DPP6: variants seen among roughly 807,000 people sequenced by gnomAD.
DPP6 encodes dipeptidyl peptidase like 6.
Under a neutral mutation model 122.6 loss-of-function variants are expected in DPP6, and 69 were observed. The ratio of observed to expected loss-of-function variants is 0.56; its 90% CI spans 0.46 to 0.69. The LOEUF is 0.69. Ranked by LOEUF, DPP6 falls within the 30% of genes least tolerant of loss-of-function variation. DPP6 has a pLI of 0.00. For synonymous variants in DPP6, 418 were observed against 433.1 expected (o/e 0.97, Z 0.43); for missense variants, 928 against 1,116.9 (o/e 0.83, Z 2.41).
At chr7:154,220,961 A>G (rs574248939) in intron 1 of DPP6, among the ~76,000 whole-genome samples, 2 of 152,218 alleles carry the variant, frequency 1.3e-5, no homozygotes, top group South Asian at 2.1e-4. Context: ...TTAGTGATAA[A>G]CAGAGTTTGA....
chr7:154,711,428 G>A (rs903648917), intron 7 of DPP6, among the ~76,000 whole-genome samples: 3 of 152,268 alleles, frequency 2.0e-5, no homozygotes, highest in South Asian at 2.1e-4. Context: ...CAGAAGTTTG[G>A]TAATATAACT....
At chr7:154,696,293 G>C (rs928398911) in intron 7 of DPP6, among the ~76,000 whole-genome samples, 2 of 152,210 alleles carry the variant, frequency 1.3e-5, no homozygotes, top group African/African-American at 4.8e-5. Flanking sequence ...GGGGTGATGA[G>C]GATTGAGGCT....
At chr7:154,749,017 CA>C (rs1563166076) in intron 8 of DPP6, among the ~76,000 whole-genome samples, 1 of 133,542 alleles carries the variant, frequency 7.5e-6, no homozygotes, top group African/African-American at 2.8e-5. Context: ...TAGGACGGGA[CA>C]GGAGAGAGAG....
intron 1 of DPP6, among the ~76,000 whole-genome samples, chr7:153,964,482 G>A (rs906388750): frequency 2.0e-5 from 3 of 152,098 alleles, no homozygotes; most frequent in Non-Finnish European, 2.9e-5. Flanking sequence ...CCAGGGCTCC[G>A]TGAAAATGTG....
intron 1 of DPP6, among the ~76,000 whole-genome samples, chr7:154,041,734 CCTT>C (rs1004586987): frequency 1.3e-4 from 20 of 151,358 alleles, no homozygotes; most frequent in Admixed American, 4.0e-4. Flanking sequence ...AACACTGGCC[CCTT>C]CTTCTCATGT....
chr7:154,591,114 A>G (rs1274231961), intron 5 of DPP6, among the ~76,000 whole-genome samples: 1 of 152,246 alleles, frequency 6.6e-6, no homozygotes, highest in Non-Finnish European at 1.5e-5. Flanking sequence ...TTGAGGTTAT[A>G]GACCGGTGGT....
At chr7:154,286,436 C>A (rs1052642853) in intron 1 of DPP6, among the ~76,000 whole-genome samples, 1 of 152,310 alleles carries the variant, frequency 6.6e-6, no homozygotes, top group Non-Finnish European at 1.5e-5. Context: ...ATGCAGCAAC[C>A]AAGAGCTTGC....
chr7:154,023,049 G>C (rs1267716506), intron 1 of DPP6, among the ~76,000 whole-genome samples: 6 of 152,018 alleles, frequency 3.9e-5, no homozygotes, highest in Non-Finnish European at 7.4e-5. Flanking sequence ...CTGAGTGTAA[G>C]CTAGGATGAC....
chr7:154,804,153 C>T (rs932346293), intron 14 of DPP6, among the ~76,000 whole-genome samples, 198 bp downstream of exon 14: 1 of 152,192 alleles, frequency 6.6e-6, no homozygotes, highest in African/African-American at 2.4e-5. Context: ...AGAGCTGCGG[C>T]GTCCTGAGGA....
chr7:154,600,081 C>T lies in DPP6; in HGVS notation c.627+33165C>T, dbSNP rs541004674. 7.0e-4 allele frequency among the ~76,000 whole-genome samples: 107 copies of T among 152,242 alleles called. 3 individuals carry two copies. Among genetic ancestry groups the T allele is most frequent in the African/African-American group, 2.4e-3 (99 of 41,562 alleles). ...CCTGGCTTACTCCAATTTCCCAGCT[C>T]TTTTGGGAAATGTAAACTTTATGGT... On this transcript the variant is annotated intron_variant, in intron 5 of 25. Coordinates refer to ENST00000377770, the MANE Select transcript of DPP6 (RefSeq NM_130797.4).
chr7:153,984,386 A>T (rs1796741455), intron 1 of DPP6, among the ~76,000 whole-genome samples: 1 of 152,240 alleles, frequency 6.6e-6, no homozygotes, highest in East Asian at 1.9e-4. Flanking sequence ...TGTACACAAG[A>T]CAATATTACC....
intron 8 of DPP6, among the ~76,000 whole-genome samples, chr7:154,741,522 T>A (rs1357752944): frequency 6.6e-6 from 1 of 152,242 alleles, no homozygotes; most frequent in Non-Finnish European, 1.5e-5. Flanking sequence ...CACCTTCTTC[T>A]TTTTGCAGGA....
At chr7:154,254,858 G>A (rs1372500491) in intron 1 of DPP6, among the ~76,000 whole-genome samples, 1 of 152,072 alleles carries the variant, frequency 6.6e-6, no homozygotes, top group Non-Finnish European at 1.5e-5. Flanking sequence ...AAGATTCAAA[G>A]GTAGGACAAT....
chr7:154,676,830 C>T (rs1253214432), intron 7 of DPP6, among the ~76,000 whole-genome samples: 2 of 152,216 alleles, frequency 1.3e-5, no homozygotes, highest in Non-Finnish European at 2.9e-5. Flanking sequence ...CTTACAGAAG[C>T]GAGAACTAAA....
At chr7:154,571,378 C>T (rs1694656103) in intron 5 of DPP6, among the ~76,000 whole-genome samples, 1 of 152,040 alleles carries the variant, frequency 6.6e-6, no homozygotes, top group Non-Finnish European at 1.5e-5. Flanking sequence ...TTTAATATTA[C>T]TAAATGTATA....
intron 1 of DPP6, among the ~76,000 whole-genome samples, chr7:154,321,275 T>C: frequency 6.7e-6 from 1 of 148,832 alleles, no homozygotes; most frequent in East Asian, 2.0e-4. Flanking sequence ...AGACCCTGTC[T>C]TTAAAAAAAA....
intron 2 of DPP6, among the ~76,000 whole-genome samples, chr7:154,459,991 T>C (rs1162725248): frequency 7.5e-6 from 1 of 132,596 alleles, no homozygotes; most frequent in Non-Finnish European, 1.6e-5. Flanking sequence ...TTTTTTTTTT[T>C]TTTTTTTTGA....
the DPP6 span, among the ~76,000 whole-genome samples, chr7:153,821,223 G>A: frequency 2.6e-5 from 4 of 152,090 alleles, no homozygotes; most frequent in African/African-American, 9.6e-5. Context: ...AGCAACTATA[G>A]ACATGGAATA....
intron 1 of DPP6, among the ~76,000 whole-genome samples, chr7:154,178,912 A>C (rs1007001181): frequency 6.6e-6 from 1 of 152,202 alleles, no homozygotes; most frequent in African/African-American, 2.4e-5. Context: ...GATAGAACCC[A>C]AGGGAAGTGG....
Sources: allele counts gnomAD v4.1 joint callset (sites outside exome capture counted in the v4.1 genomes callset), GRCh38; gene constraint gnomAD v4.1.1; transcripts MANE v1.5; gene names NCBI Gene and HGNC (gene_info 2026-07-23, HGNC 2026-07-21).